The following THSD7B variants were observed in gnomAD, a reference collection of about 807,000 sequenced individuals.
The protein encoded by THSD7B is thrombospondin type 1 domain containing 7B.
Under a neutral mutation model 213.6 loss-of-function variants are expected in THSD7B, and 138 were observed. That is an observed-to-expected ratio of 0.65 (90% CI 0.56 to 0.74). THSD7B has a LOEUF of 0.74. Ranked by LOEUF, THSD7B falls within the 30% of genes least tolerant of loss-of-function variation. THSD7B has a pLI of 0.00. For synonymous variants in THSD7B, 742 were observed against 687.0 expected (o/e 1.08, Z -1.25); for missense variants, 1,931 against 1,991.5 (o/e 0.97, Z 0.58).
chr2:136,827,746 G>A (rs1008448148), intron 1 of THSD7B, among the ~76,000 whole-genome samples: 1 of 151,726 alleles, frequency 6.6e-6, no homozygotes, highest in African/African-American at 2.4e-5. Context: ...AAAGGTATGA[G>A]ATATTTAGAG....
rs148644121 is a variant in THSD7B, at chr2:136,967,372, C to T, written c.139+85055C>T. ...TAAAATCGTGAAGACATTCATTTCTCCTCGTTCTATTTGTTATTATATCCA... is the reference window on the plus strand; with the variant it reads ...TAAAATCGTGAAGACATTCATTTCTTCTCGTTCTATTTGTTATTATATCCA... On this transcript the variant is annotated intron_variant, in intron 2 of 27. Coordinates refer to ENST00000409968, the MANE Select transcript of THSD7B (RefSeq NM_001316349.2). Among the ~76,000 whole-genome samples, 594 of 152,246 alleles carry T rather than the reference C, an allele frequency of 3.9e-3. 1 individual carries two copies. The highest frequency in any genetic ancestry group is 7.0e-3 in the Admixed American group (107 of 15,300).
intron 2 of THSD7B, among the ~76,000 whole-genome samples, chr2:136,907,987 T>A (rs1347486710): frequency 1.3e-5 from 2 of 152,236 alleles, no homozygotes; most frequent in East Asian, 3.8e-4. Context: ...AAGTTTTTTT[T>A]ATTTGCCTAA....
intron 12 of THSD7B, among the ~76,000 whole-genome samples, chr2:137,385,470 C>T (rs1685873624): frequency 6.6e-6 from 1 of 152,190 alleles, no homozygotes; most frequent in Admixed American, 6.5e-5. Flanking sequence ...CCACTCAGTC[C>T]CCTGTCTAAA....
chr2:137,644,207 A>G (rs1286353474), intron 21 of THSD7B, among the ~76,000 whole-genome samples: 1 of 152,172 alleles, frequency 6.6e-6, no homozygotes, highest in Admixed American at 6.5e-5. Context: ...CCAGATTTCT[A>G]GATAGAGTGA....
intron 9 of THSD7B, among the ~76,000 whole-genome samples, chr2:137,241,633 C>G (rs1026501002): frequency 2.0e-5 from 3 of 152,248 alleles, no homozygotes; most frequent in East Asian, 3.9e-4. Context: ...TGTTAATTGA[C>G]TGGGCTCGGT....
intron 12 of THSD7B, among the ~76,000 whole-genome samples, chr2:137,317,582 A>G (rs1339107242): frequency 6.6e-6 from 1 of 152,196 alleles, no homozygotes; most frequent in East Asian, 1.9e-4. Context: ...AGTTTTACTA[A>G]CTCACAAAAC....
chr2:137,452,171 A>G (rs1687665640), intron 15 of THSD7B: 1 of 254,022 alleles, frequency 3.9e-6, no homozygotes, highest in South Asian at 1.5e-4. Context: ...TCTAAAACAG[A>G]GCATAGTTAT....
chr2:137,175,681 G>T (rs918761632), intron 7 of THSD7B, among the ~76,000 whole-genome samples: 1 of 152,128 alleles, frequency 6.6e-6, no homozygotes, highest in African/African-American at 2.4e-5. Flanking sequence ...GCATGTACTT[G>T]TAAGCTCTAA....
chr2:136,797,975 A>G (rs1682103829), intron 1 of THSD7B, among the ~76,000 whole-genome samples: 2 of 151,926 alleles, frequency 1.3e-5, no homozygotes, highest in South Asian at 4.1e-4. Context: ...CTTTCTCACT[A>G]CTATAATTCT....
At chr2:137,376,081 G>A (rs187471614) in intron 12 of THSD7B, among the ~76,000 whole-genome samples, 1 of 152,336 alleles carries the variant, frequency 6.6e-6, no homozygotes, top group African/African-American at 2.4e-5. Flanking sequence ...CTATAGCAAT[G>A]AGATAATTAA....
chr2:136,868,991 T>C (rs2104979254), intron 1 of THSD7B, among the ~76,000 whole-genome samples: 1 of 152,300 alleles, frequency 6.6e-6, no homozygotes, highest in Admixed American at 6.5e-5. Flanking sequence ...TAACCTAAAC[T>C]CCTCCAAACA....
rs373010275 is a variant in THSD7B at position 137,572,434 on chromosome 2, G to A, written c.3301G>A (p.Gly1101Arg). Residue 1101 changes from glycine to arginine, a missense_variant, in exon 17 of 28, where the codon GGA becomes AGA. Gly to Arg is a moderately radical substitution (Grantham distance 125). Coordinates refer to ENST00000409968, the MANE Select transcript of THSD7B (RefSeq NM_001316349.2). Reference sequence around the variant, plus strand: ...TGTGAATACTGCGGATGGTGAAGGTGGAGCAGTGGATAGCAACCTGTGCAA... The same window carrying A: ...TGTGAATACTGCGGATGGTGAAGGTAGAGCAGTGGATAGCAACCTGTGCAA... ...RCVNTADGEG[G>R]AVDSNLCNQD... 4 of 1,613,810 alleles carry A rather than the reference G, an allele frequency of 2.5e-6. No homozygotes were observed. In the African/African-American group the frequency reaches 4.0e-5, roughly 16 times the overall value.
intron 10 of THSD7B, among the ~76,000 whole-genome samples, chr2:137,264,286 T>C (rs1289369248): frequency 6.6e-6 from 1 of 151,072 alleles, no homozygotes; most frequent in Admixed American, 6.6e-5. Flanking sequence ...AGAGTCTCGC[T>C]CTCTTGCCCA....
intron 7 of THSD7B, among the ~76,000 whole-genome samples, chr2:137,215,240 T>C (rs188729872): frequency 2.0e-5 from 3 of 152,352 alleles, no homozygotes; most frequent in Non-Finnish European, 4.4e-5. Flanking sequence ...TTTTGAGAAA[T>C]GTTTGTTCAT....
At chr2:136,847,977 A>G (rs1683038137) in intron 1 of THSD7B, among the ~76,000 whole-genome samples, 2 of 152,080 alleles carry the variant, frequency 1.3e-5, no homozygotes, top group Non-Finnish European at 2.9e-5. Flanking sequence ...CTCACACCAT[A>G]CTGGGTTGTC....
At chr2:136,901,824 C>A (rs1009616403) in intron 2 of THSD7B, among the ~76,000 whole-genome samples, 4 of 152,228 alleles carry the variant, frequency 2.6e-5, no homozygotes, top group African/African-American at 9.6e-5. Flanking sequence ...GCCAGCGATG[C>A]ATTAAAAGGT....
chr2:137,128,055 C>A (rs1314139589), intron 5 of THSD7B, among the ~76,000 whole-genome samples: 2 of 152,094 alleles, frequency 1.3e-5, no homozygotes, highest in African/African-American at 4.8e-5. Context: ...GTAATATTTT[C>A]TTTTCTTATT....
Position 137,160,501 on chromosome 2 carries a change from G to A in THSD7B, c.1525+133G>A, listed in dbSNP as rs1679999213. On this transcript the variant is annotated intron_variant, in intron 6 of 27. Coordinates refer to ENST00000409968, the MANE Select transcript of THSD7B (RefSeq NM_001316349.2). The stretch of plus-strand genomic sequence containing the variant: ...TTTAGATAACCAGCTCAAGCCTAAC[G>A]GTATTCAGTTTTAGGGAGGCAACTG... The A allele has an allele frequency of 2.0e-5, 24 of 1,209,340 alleles. 1 individual carries two copies. In the Admixed American group the frequency reaches 2.9e-4, roughly 14 times the overall value. 74.9% of individuals were successfully genotyped at this position (1,209,340 alleles called of 1,614,324 possible). A position where few individuals can be genotyped will look rare whatever the true frequency, so the allele number is the denominator to read the frequency against.
intron 12 of THSD7B, among the ~76,000 whole-genome samples, chr2:137,331,585 G>T (rs1206427110): frequency 2.0e-5 from 3 of 152,232 alleles, no homozygotes; most frequent in Non-Finnish European, 4.4e-5. Context: ...GGAGCTGCCT[G>T]CCAGTCCTGT....
Sources: allele counts gnomAD v4.1 joint callset (sites outside exome capture counted in the v4.1 genomes callset), GRCh38; gene constraint gnomAD v4.1.1; transcripts MANE v1.5; gene names NCBI Gene and HGNC (gene_info 2026-07-23, HGNC 2026-07-21).